Variants in LRRTM4 observed in about 807,000 individuals in gnomAD.
LRRTM4 encodes the protein leucine rich repeat transmembrane neuronal 4, also known as leucine-rich repeat transmembrane neuronal protein 4.
A neutral mutation model predicts 47.6 loss-of-function variants in LRRTM4; 25 were observed. The ratio of observed to expected loss-of-function variants is 0.53; its 90% confidence interval spans 0.38 to 0.73. The LOEUF (loss-of-function observed/expected upper bound fraction) is 0.73, where lower values mean the gene tolerates loss of function less well. Among genes scored for constraint, LRRTM4 ranks in the 30% least tolerant of loss-of-function variants. The pLI is 0.00. For missense variants in LRRTM4, 638 were observed against 713.4 expected (o/e 0.89, Z 1.20); for synonymous variants, 311 against 269.5 (o/e 1.15, Z -1.51).
At chr2:76,943,201 T>C (rs1335189190) in intron 3 of LRRTM4, among the ~76,000 whole-genome samples, 1 of 152,192 alleles carries the variant, frequency 6.6e-6, no homozygotes, top group Non-Finnish European at 1.5e-5. Flanking sequence ...CTTTCTGTGA[T>C]GGGTTCAGAA....
At chr2:77,012,227 C>T (rs1253752898) in intron 3 of LRRTM4, among the ~76,000 whole-genome samples, 1 of 151,738 alleles carries the variant, frequency 6.6e-6, no homozygotes, top group Non-Finnish European at 1.5e-5. Context: ...TAGGTCCTGT[C>T]AAAACTGGAA....
rs532081519 is a variant in LRRTM4 at position 77,343,898 on chromosome 2, T to C, written c.1551+174420A>G. Among the ~76,000 whole-genome samples the C allele has an allele frequency of 3.4e-4, 52 of 151,942 alleles. 1 individual carries two copies. In the South Asian group the frequency reaches 8.3e-3, roughly 24 times the overall value. Reference sequence around the variant, plus strand: ...CAAAGAAAAAGCTACACAAGTAAGATTGTTGGAAGAGCATTCCAGGAAATT... The same window carrying C: ...CAAAGAAAAAGCTACACAAGTAAGACTGTTGGAAGAGCATTCCAGGAAATT... On this transcript the variant is annotated intron_variant, in intron 3 of 3. Coordinates refer to ENST00000409884, the MANE Select transcript of LRRTM4 (RefSeq NM_001134745.3).
intron 3 of LRRTM4, among the ~76,000 whole-genome samples, chr2:77,407,339 A>G (rs1228555097): frequency 6.6e-6 from 1 of 151,856 alleles, no homozygotes; most frequent in Non-Finnish European, 1.5e-5. Flanking sequence ...TTTTATATGT[A>G]TGAGATGTAA....
Position 77,342,467 on chromosome 2 carries a change from T to C in LRRTM4, c.1551+175851A>G, listed in dbSNP as rs935672368. Among the ~76,000 whole-genome samples the C allele has an allele frequency of 2.0e-5, 3 of 152,098 alleles. No homozygotes were observed. In the South Asian group the frequency reaches 6.2e-4, roughly 31 times the overall value. ...GCAAACCTGAGAAGCCCTACTGTAGTGTAAAGAGCAACAGCTGTGGATACA... is the reference window on the plus strand; with the variant it reads ...GCAAACCTGAGAAGCCCTACTGTAGCGTAAAGAGCAACAGCTGTGGATACA... On this transcript the variant is annotated intron_variant, in intron 3 of 3. Transcript: ENST00000409884.
chr2:76,897,184 G>T (rs1038926206), intron 3 of LRRTM4, among the ~76,000 whole-genome samples: 1 of 152,092 alleles, frequency 6.6e-6, no homozygotes, highest in Admixed American at 6.6e-5. Context: ...AATTTTGCTT[G>T]TTTGCCCCGT....
At chr2:77,317,598 A>G (rs1677654425) in intron 3 of LRRTM4, among the ~76,000 whole-genome samples, 1 of 152,220 alleles carries the variant, frequency 6.6e-6, no homozygotes. Context: ...TTTCTTCATG[A>G]AGATGTCAGT....
At chr2:76,839,400 G>C (rs1415959927) in intron 3 of LRRTM4, among the ~76,000 whole-genome samples, 2 of 152,074 alleles carry the variant, frequency 1.3e-5, no homozygotes, top group Non-Finnish European at 2.9e-5. Flanking sequence ...CTGCCCTTAA[G>C]TTCTCTAATG....
At position 77,481,344 on chromosome 2, in the gene LRRTM4, CAGCCATCT is replaced by C. The variant is rs528781440; in HGVS notation, c.1551+36966_1551+36973del. On this transcript the variant is annotated intron_variant, in intron 3 of 3. Coordinates refer to ENST00000409884, the MANE Select transcript of LRRTM4 (RefSeq NM_001134745.3). ...ACATGGTAGACCTGAGATTTAAATG[CAGCCATCT>C]AGTTCGAGAACCTGCCTTCTTAACA... is the stretch of plus-strand genomic sequence containing the variant. Among the ~76,000 whole-genome samples the C allele has an allele frequency of 4.9e-3, 749 of 152,306 alleles. 3 individuals carry two copies. The highest frequency in any genetic ancestry group is 8.3e-3 in the Non-Finnish European group (565 of 68,028).
At chr2:77,436,229 T>C (rs1392423043) in intron 3 of LRRTM4, among the ~76,000 whole-genome samples, 1 of 152,126 alleles carries the variant, frequency 6.6e-6, no homozygotes, top group Non-Finnish European at 1.5e-5. Flanking sequence ...TAATAGACTA[T>C]ACACATTTGA....
chr2:77,090,555 A>G (rs1670581379), intron 3 of LRRTM4, among the ~76,000 whole-genome samples: 1 of 152,158 alleles, frequency 6.6e-6, no homozygotes, highest in South Asian at 2.1e-4. Context: ...ACTATGAGAC[A>G]AACCCCAGCC....
intron 3 of LRRTM4, among the ~76,000 whole-genome samples, chr2:77,183,059 G>T (rs1429257552): frequency 2.6e-5 from 4 of 152,160 alleles, no homozygotes; most frequent in African/African-American, 9.7e-5. Context: ...AAAAGCAATG[G>T]CAACAAAAGC....
chr2:77,109,280 A>G lies in LRRTM4; in HGVS notation c.1552-360364T>C, dbSNP rs1342097028. On this transcript the variant is annotated intron_variant, in intron 3 of 3. Transcript: ENST00000409884. ...AAGGAATAAGATTTTGAGTTACATG[A>G]GCTTGAACACTGTAAAACTTGTAAA... Among the ~76,000 whole-genome samples, 4 of 152,196 alleles carry G rather than the reference A, an allele frequency of 2.6e-5. No homozygotes were observed. The East Asian group carries it at 7.7e-4, about 29-fold the overall frequency.
intron 3 of LRRTM4, among the ~76,000 whole-genome samples, chr2:77,040,066 T>C (rs1678974181): frequency 6.6e-6 from 1 of 151,218 alleles, no homozygotes; most frequent in Admixed American, 6.6e-5. Flanking sequence ...ATAAGACAGG[T>C]GGGTAGGCAG....
At chr2:77,013,434 A>C (rs767962943) in intron 3 of LRRTM4, among the ~76,000 whole-genome samples, 8 of 152,068 alleles carry the variant, frequency 5.3e-5, no homozygotes, top group Non-Finnish European at 1.2e-4. Flanking sequence ...ATCGCCTTGT[A>C]ATGAGCATTG....
chr2:76,800,588 C>A (rs1465166489), intron 3 of LRRTM4, among the ~76,000 whole-genome samples: 56 of 141,066 alleles, frequency 4.0e-4, no homozygotes, highest in Non-Finnish European at 6.1e-4. Context: ...GCAACAAAAG[C>A]CAAAATTGAC....
chr2:77,052,139 C>G (rs1331637986), intron 3 of LRRTM4, among the ~76,000 whole-genome samples: 2 of 142,592 alleles, frequency 1.4e-5, no homozygotes, highest in African/African-American at 5.3e-5. Flanking sequence ...AAAAAAATAC[C>G]GTTACATTTC....
At chr2:76,849,780 C>T (rs1164543447) in intron 3 of LRRTM4, among the ~76,000 whole-genome samples, 2 of 152,042 alleles carry the variant, frequency 1.3e-5, no homozygotes, top group Non-Finnish European at 2.9e-5. Flanking sequence ...AAAGGTTTCT[C>T]ATAGTATTTA....
At chr2:76,806,172 G>A (rs1219117369) in intron 3 of LRRTM4, among the ~76,000 whole-genome samples, 2 of 152,074 alleles carry the variant, frequency 1.3e-5, no homozygotes, top group Non-Finnish European at 2.9e-5. Context: ...CAAATGAGTG[G>A]GAAAGGGCTT....
chr2:76,750,784 C>T lies in LRRTM4; in HGVS notation c.1552-1868G>A, dbSNP rs184614696. ...ATTTTTATTAATGTGATTAATACAA[C>T]GTTGACACAAATTCCCTCTCTATTC... On this transcript the variant is annotated intron_variant, in intron 3 of 3. Transcript: ENST00000409884. Among the ~76,000 whole-genome samples, 683 of 152,228 alleles carry T rather than the reference C, an allele frequency of 4.5e-3. 14 individuals carry two copies. In the South Asian group the frequency reaches 0.063, roughly 14 times the overall value.
Sources: gnomAD v4.1 joint callset for allele counts (sites outside exome capture counted in the v4.1 genomes callset) on GRCh38, gnomAD v4.1.1 for gene constraint, MANE v1.5 for transcripts, NCBI Gene and HGNC (gene_info 2026-07-23, HGNC 2026-07-21) for gene names.